DOT1L: variants seen among roughly 807,000 people sequenced by gnomAD.
The protein encoded by DOT1L is DOT1 like histone lysine methyltransferase.
DOT1L carries 33 observed loss-of-function variants against 153.3 expected under a neutral mutation model. The ratio of observed to expected loss-of-function variants is 0.22; its 90% CI spans 0.16 to 0.29. The LOEUF (loss-of-function observed/expected upper bound fraction) is 0.29. DOT1L is among the 10% of genes least tolerant of loss of function. The pLI is 1.00. For missense variants in DOT1L, 1,847 were observed against 2,119.9 expected (o/e 0.87, Z 2.53); for synonymous variants, 1,135 against 965.1 (o/e 1.18, Z -3.26).
rs756256798 is a variant in DOT1L, at chr19:2,229,776, C to T, written c.4607-9C>T. On this transcript the variant is annotated splice_polypyrimidine_tract_variant and intron_variant, in intron 27 of 27. Coordinates refer to ENST00000398665, the MANE Select transcript of DOT1L (RefSeq NM_032482.3). ...CTCAGGCCGCTCTTCCCGCTGTGCC[C>T]TTCTGCAGGTAACTAGGATTTCTAC... 41 of 1,613,228 alleles carry T rather than the reference C, an allele frequency of 2.5e-5. No individual in the cohort carries two copies. In the East Asian group the frequency reaches 8.0e-4, roughly 32 times the overall value.
Position 2,223,267 on chromosome 19 carries a change from C to G in DOT1L, c.3391-14C>G. The G allele has an allele frequency of 6.2e-7, 1 of 1,613,032 alleles. No individual in the cohort carries two copies. Among genetic ancestry groups the G allele is most frequent in the Non-Finnish European group, 8.5e-7 (1 of 1,179,768 alleles). On this transcript the variant is annotated splice_polypyrimidine_tract_variant and intron_variant, in intron 24 of 27. Transcript: ENST00000398665. ...TCTGTGGTATGTGCATCCATTGTGT[C>G]TGTCTGCCCTCAGGTCAGTAACATC...
In DOT1L at chr19:2,164,329, C is replaced by A. The variant is rs867766578; in HGVS notation, c.81+64C>A. ...CCCTCCTCCGCCGCCCCTGGGGACA[C>A]CCCAAACCCCCCCAAGCCGCGCTCA... is the stretch of plus-strand genomic sequence containing the variant. On this transcript the variant is annotated intron_variant, in intron 1 of 27. Transcript: ENST00000398665. 286 of 1,115,436 alleles carry A rather than the reference C, an allele frequency of 2.6e-4. No individual in the cohort carries two copies. In the Middle Eastern group the frequency reaches 9.3e-3, roughly 36 times the overall value. 69.1% of individuals were successfully genotyped at this position (1,115,436 alleles called of 1,614,324 possible). A position where few individuals can be genotyped will look rare whatever the true frequency, so the allele number is the denominator to read the frequency against.
intron 27 of DOT1L, chr19:2,228,056 G>C: frequency 7.6e-7 from 1 of 1,308,770 alleles, no homozygotes; most frequent in Non-Finnish European, 1.0e-6. Context: ...CTGAGCCCGC[G>C]CTTCTGCAGA....
intron 17 of DOT1L, 93 bp downstream of exon 17, chr19:2,213,733 T>A: frequency 5.0e-6 from 8 of 1,601,202 alleles, no homozygotes; most frequent in Non-Finnish European, 6.8e-6. Flanking sequence ...TGGCTTCCTG[T>A]CTATGCCTCT....
chr19:2,184,573 T>C (rs2022402929), intron 2 of DOT1L, among the ~76,000 whole-genome samples: 1 of 152,114 alleles, frequency 6.6e-6, no homozygotes, highest in Non-Finnish European at 1.5e-5. Flanking sequence ...TGACCCCTCC[T>C]GCAGAGCCGC....
In DOT1L at chr19:2,211,121, C is replaced by T; in HGVS notation, c.1374C>T (p.Ser458=). 2 of 1,613,130 alleles carry T rather than the reference C, an allele frequency of 1.2e-6. No homozygotes were observed. The highest frequency in any genetic ancestry group is 1.7e-6 in the Non-Finnish European group (2 of 1,179,796). The change falls in exon 15 of 28, where the codon AGC becomes AGT. Residue 458 remains serine (S), a synonymous_variant. Transcript: ENST00000398665. ...SPQDAYRSPH[S]PFYQLPPSVQ... ...CAGATGCCTACAGATCCCCTCACAG[C>T]CCGTTCTACCAGCTACCTCCGAGCG...
intron 22 of DOT1L, among the ~76,000 whole-genome samples, chr19:2,218,152 C>T (rs2023973184): frequency 7.2e-5 from 11 of 152,208 alleles, no homozygotes; most frequent in Admixed American, 7.2e-4. Flanking sequence ...GGGCCTCACA[C>T]CTTCTGGGTT....
chr19:2,203,995 C>T (rs1412299852), intron 9 of DOT1L, among the ~76,000 whole-genome samples: 1 of 152,244 alleles, frequency 6.6e-6, no homozygotes, highest in African/African-American at 2.4e-5. Flanking sequence ...GGGAGAACTG[C>T]GGTGGGCTCC....
rs758266992 is a variant in DOT1L at position 2,220,231 on chromosome 19, C to T, written c.2806+9C>T. 6 of 1,608,478 alleles carry T rather than the reference C, an allele frequency of 3.7e-6. No homozygotes were observed. Among genetic ancestry groups the T allele is most frequent in the Non-Finnish European group, 5.1e-6 (6 of 1,177,418 alleles). On this transcript the variant is annotated intron_variant, in intron 23 of 27. Coordinates refer to ENST00000398665, the MANE Select transcript of DOT1L (RefSeq NM_032482.3). This position sits in a 1 kb window ranked among gnomAD's most constrained non-coding sequence, Gnocchi z 4.5. ...TGCCCTGGCCCCCGCAGGTAACGCC[C>T]CTCCTGTGCCCTACCCTCAGGACTC...
intron 27 of DOT1L, chr19:2,228,882 T>C (rs1162940284): frequency 1.0e-6 from 1 of 985,274 alleles, no homozygotes; most frequent in Non-Finnish European, 1.2e-6. Flanking sequence ...CGGGGCTGTC[T>C]GGCCAGTAGC....
rs533234937 is a variant in DOT1L at position 2,197,577 on chromosome 19, A to G, written c.652-2307A>G. On this transcript the variant is annotated intron_variant, in intron 7 of 27. Coordinates refer to ENST00000398665, the MANE Select transcript of DOT1L (RefSeq NM_032482.3). This position sits in a 1 kb window ranked among gnomAD's most constrained non-coding sequence, Gnocchi z 4.1. ...GCCTCCTGGGGCCTGGGTCCATGAC[A>G]CGGCTGAGCAGCATGGTGTCTAGTG... Among the ~76,000 whole-genome samples, 133 of 152,266 alleles carry G rather than the reference A, an allele frequency of 8.7e-4. No individual in the cohort carries two copies. Among genetic ancestry groups the G allele is most frequent in the Non-Finnish European group, 1.6e-3 (111 of 68,018 alleles).
intron 1 of DOT1L, among the ~76,000 whole-genome samples, chr19:2,178,971 C>T (rs1271942029): frequency 2.0e-5 from 3 of 152,190 alleles, no homozygotes; most frequent in Non-Finnish European, 4.4e-5. Flanking sequence ...GTGGACGGAG[C>T]TGTGGCCTCA....
At chr19:2,210,045 CT>C (rs981283146) in intron 12 of DOT1L, among the ~76,000 whole-genome samples, 25 of 152,334 alleles carry the variant, frequency 1.6e-4, no homozygotes, top group Admixed American at 8.5e-4. Flanking sequence ...GCAGGGGAGG[CT>C]GTGGGCTGTG....
In DOT1L at chr19:2,204,291, CTG is replaced by C. The variant is rs1467408235; in HGVS notation, c.787+1521_787+1522del. On this transcript the variant is annotated intron_variant, in intron 9 of 27. Coordinates refer to ENST00000398665, the MANE Select transcript of DOT1L (RefSeq NM_032482.3). This position sits in a 1 kb window ranked among gnomAD's most constrained non-coding sequence, Gnocchi z 5.7. ...TCTATGTATGTGTCTGCTTGTTTGTCTGTGTGTGTGCATGCATGCCTGTGTCT... is the reference window on the plus strand; with the variant it reads ...TCTATGTATGTGTCTGCTTGTTTGTCTGTGTGTGCATGCATGCCTGTGTCT... Among the ~76,000 whole-genome samples the C allele has an allele frequency of 6.6e-6, 1 of 151,066 alleles. No individual in the cohort carries two copies. Among genetic ancestry groups the C allele is most frequent in the African/African-American group, 2.5e-5 (1 of 40,740 alleles).
chr19:2,227,538 C>A, intron 27 of DOT1L: 1 of 583,992 alleles, frequency 1.7e-6, no homozygotes, highest in Non-Finnish European at 2.7e-6. Flanking sequence ...CGGCCTGGCC[C>A]TGGGGCTGCT....
intron 1 of DOT1L, among the ~76,000 whole-genome samples, chr19:2,172,306 C>T (rs1402476361): frequency 6.6e-6 from 1 of 151,720 alleles, no homozygotes; most frequent in East Asian, 1.9e-4. Context: ...TCCCCTGCCT[C>T]AGCCTCCCGA....
At chr19:2,177,048 C>T (rs530963447) in intron 1 of DOT1L, among the ~76,000 whole-genome samples, 2 of 152,230 alleles carry the variant, frequency 1.3e-5, no homozygotes, top group Non-Finnish European at 2.9e-5. Flanking sequence ...GCTTCAGATG[C>T]GTAGAACCCA....
chr19:2,169,627 G>A (rs1311294457), intron 1 of DOT1L, among the ~76,000 whole-genome samples: 1 of 152,110 alleles, frequency 6.6e-6, no homozygotes, highest in African/African-American at 2.4e-5. Flanking sequence ...CCGAGTAGCT[G>A]GGATTACAGG....
At chr19:2,187,923 GA>G (rs11453591) in intron 3 of DOT1L, among the ~76,000 whole-genome samples, 30 of 130,910 alleles carry the variant, frequency 2.3e-4, no homozygotes, top group South Asian at 7.5e-4. Flanking sequence ...CTCCATCTCA[GA>G]AAAAAAAAAA....
Sources: allele counts gnomAD v4.1 joint callset (sites outside exome capture counted in the v4.1 genomes callset), GRCh38; gene constraint gnomAD v4.1.1; non-coding constraint Gnocchi (gnomAD v3.1); transcripts MANE v1.5; gene names NCBI Gene and HGNC (gene_info 2026-07-23, HGNC 2026-07-21).